Variants in ANK1 observed in about 807,000 individuals in gnomAD.
ANK1 encodes ankyrin 1, also known as ankyrin-1.
ANK1 carries 51 observed loss-of-function variants against 210.4 expected under a neutral mutation model. The ratio of observed to expected loss-of-function variants is 0.24; its 90% CI spans 0.19 to 0.31. The LOEUF (loss-of-function observed/expected upper bound fraction) is 0.31. Ranked by LOEUF, ANK1 falls within the 10% of genes least tolerant of loss-of-function variation. ANK1 has a pLI of 1.00. For synonymous variants in ANK1, 967 were observed against 1,025.9 expected, an observed-to-expected ratio of 0.94 and a Z score of 1.10; for missense variants, 2,051 against 2,504.4, an observed-to-expected ratio of 0.82 and a Z score of 3.86.
At chr8:41,783,393 C>T (rs188713372) in intron 1 of ANK1, among the ~76,000 whole-genome samples, 9 of 152,312 alleles carry the variant, frequency 5.9e-5, no homozygotes, top group African/African-American at 2.2e-4. Flanking sequence ...TTTCCCGGGT[C>T]CTTCCCTGGA....
At chr8:41,825,105 G>A (rs1805138459) in intron 1 of ANK1, among the ~76,000 whole-genome samples, 1 of 152,254 alleles carries the variant, frequency 6.6e-6, no homozygotes, top group African/African-American at 2.4e-5. Context: ...GCTGAGCCCG[G>A]CTACTTCCAG....
At chr8:41,875,296 G>C (rs1053823593) in intron 1 of ANK1, among the ~76,000 whole-genome samples, 29 of 152,242 alleles carry the variant, frequency 1.9e-4, no homozygotes, top group Admixed American at 1.3e-4. Flanking sequence ...TTTAGAGGCT[G>C]GCAGCAGCAG....
intron 1 of ANK1, among the ~76,000 whole-genome samples, chr8:41,874,377 T>G (rs1217061622): frequency 6.6e-6 from 1 of 152,224 alleles, no homozygotes. Context: ...AAAGTTGCAC[T>G]GGGCCCAGGA....
intron 1 of ANK1, among the ~76,000 whole-genome samples, chr8:41,859,607 T>C (rs540815351): frequency 6.6e-6 from 1 of 152,362 alleles, no homozygotes; most frequent in Admixed American, 6.5e-5. Flanking sequence ...CCCAAAGTGC[T>C]GAGATTACAG....
At chr8:41,894,727 G>A (rs150081668) in intron 1 of ANK1, among the ~76,000 whole-genome samples, 25 of 152,264 alleles carry the variant, frequency 1.6e-4, no homozygotes, top group South Asian at 6.2e-4. Context: ...ACTCCTTCCC[G>A]AGAAGAAGTT....
At chr8:41,700,647 G>A (rs1822502478) in intron 22 of ANK1, among the ~76,000 whole-genome samples, 1 of 152,200 alleles carries the variant, frequency 6.6e-6, no homozygotes. Flanking sequence ...CATCCTCAGA[G>A]TTGAGGATCC....
intron 37 of ANK1, among the ~76,000 whole-genome samples, chr8:41,683,946 G>C (rs1310219070): frequency 6.6e-6 from 1 of 152,198 alleles, no homozygotes; most frequent in Admixed American, 6.5e-5. Context: ...AAAGAATGAG[G>C]GGAAGGAGAT....
rs757188682 is a variant in ANK1, at chr8:41,893,640, G to A, written c.126+2715C>T. ...TCAGTCCCTGGTAAGTAGGTTACCCGCGGGACAAACACCTTTCCTTTGAGT... is the reference window on the plus strand; with the variant it reads ...TCAGTCCCTGGTAAGTAGGTTACCCACGGGACAAACACCTTTCCTTTGAGT... On this transcript the variant is annotated intron_variant, in intron 1 of 42. Transcript: ENST00000265709. Among the ~76,000 whole-genome samples the A allele has an allele frequency of 5.9e-5, 9 of 152,306 alleles. 1 individual carries two copies. In the Middle Eastern group the frequency reaches 0.01, roughly 173 times the overall value.
intron 1 of ANK1, among the ~76,000 whole-genome samples, chr8:41,812,175 T>G (rs1802598332): frequency 6.6e-6 from 1 of 152,236 alleles, no homozygotes; most frequent in Non-Finnish European, 1.5e-5. Flanking sequence ...AACCCAAATA[T>G]CTTCATTTTC....
Position 41,702,181 on chromosome 8 carries a change from G to A in ANK1, c.2296-37C>T, listed in dbSNP as rs370140888. 4.5e-6 allele frequency: 7 copies of A among 1,571,280 alleles called. No homozygotes were observed. In the African/African-American group the frequency reaches 5.4e-5, roughly 12 times the overall value. On this transcript the variant is annotated intron_variant, in intron 20 of 42. Transcript: ENST00000289734. ...GCAGCCCGGGTGCAGTCAGACAGGG[G>A]ATGGAGTCTAGGAGGCGGGGCTGGC...
In ANK1 at chr8:41,661,502, T is replaced by C. The variant is rs1808170185; in HGVS notation, c.5607A>G (p.Ile1869Met). The C allele has an allele frequency of 9.9e-6, 16 of 1,614,090 alleles. No individual in the cohort carries two copies. The highest frequency in any genetic ancestry group is 1.4e-5 in the Non-Finnish European group (16 of 1,180,024). Residue 1869 changes from isoleucine (I) to methionine (M), a missense_variant, in exon 42 of 43, where the codon ATA becomes ATG. Ile to Met is a conservative substitution (Grantham distance 10). Coordinates refer to ENST00000289734, the MANE Select transcript of ANK1 (RefSeq NM_000037.4). ...CCCTTTTCAGGCTGGCCCGCTTCAC[T>C]ATCTGCGCCCCCTTCCTGCCCTCTA... The part of the protein sequence containing the change: ...DLIEGRKGAQ[I>M]VKRASLKRGK...
rs775786338 is a variant in ANK1, at chr8:41,723,595, G to A, written c.750C>T (p.Gly250=). 3.1e-6 allele frequency: 5 copies of A among 1,613,826 alleles called. No individual in the cohort carries two copies. The South Asian group carries it at 5.5e-5, about 18-fold the overall frequency. ...GCAGCAGCCGCACCATGATCACGTT[G>A]CCCCTGCGGGAGGCGATGTGCAGTG... ...ITPLHIASRR[G]NVIMVRLLLD... The change falls in exon 8 of 43, where the codon GGC becomes GGT. Residue 250 remains glycine (G), a synonymous_variant. Coordinates refer to ENST00000289734, the MANE Select transcript of ANK1 (RefSeq NM_000037.4).
At chr8:41,658,871 C>T (rs746679204) in intron 42 of ANK1, among the ~76,000 whole-genome samples, 17 of 151,784 alleles carry the variant, frequency 1.1e-4, no homozygotes, top group African/African-American at 2.7e-4. Context: ...CCAGCCTGGG[C>T]GACAGAGCGA....
chr8:41,800,324 G>A (rs528867124), upstream of ANK1, among the ~76,000 whole-genome samples: 1 of 152,166 alleles, frequency 6.6e-6, no homozygotes, highest in Non-Finnish European at 1.5e-5. Flanking sequence ...GTCAGATCCA[G>A]TCATTGTGAA....
At position 41,696,474 on chromosome 8, in the gene ANK1, G is replaced by A; in HGVS notation, c.2849C>T (p.Thr950Ile). 6.2e-7 allele frequency: 1 copy of A among 1,613,404 alleles called. No individual in the cohort carries two copies. The highest frequency in any genetic ancestry group is 8.5e-7 in the Non-Finnish European group (1 of 1,179,964). The change falls in exon 26 of 43, where the codon ACC becomes ATC. Residue 950 changes from threonine to isoleucine, a missense_variant. Coordinates refer to ENST00000289734, the MANE Select transcript of ANK1 (RefSeq NM_000037.4). Reference protein sequence around the residue: ...PRTCAAPTRITCRLVKPQKLS... With the variant: ...PRTCAAPTRIICRLVKPQKLS... ...CTTCTGGGGCTTGACCAGGCGGCAG[G>A]TGATGCGGGTGGGCGCTGCGCACGT...
chr8:41,709,136 A>ACAAC lies in ANK1; in HGVS notation c.1801-162_1801-161insGTTG, dbSNP rs10685542. On this transcript the variant is annotated intron_variant, in intron 16 of 42. Coordinates refer to ENST00000289734, the MANE Select transcript of ANK1 (RefSeq NM_000037.4). ...TTTAGGTAAACAAACAAACAAACAA[A>ACAAC]ATCCATTTGATTTGGAGACAGCTCC... 2.0e-5 allele frequency among the ~76,000 whole-genome samples: 3 copies of ACAAC among 150,624 alleles called. No individual in the cohort carries two copies. In the East Asian group the frequency reaches 5.9e-4, roughly 30 times the overall value.
chr8:41,750,451 G>A (rs1410719994), intron 2 of ANK1, among the ~76,000 whole-genome samples: 3 of 152,200 alleles, frequency 2.0e-5, no homozygotes, highest in East Asian at 1.9e-4. Flanking sequence ...TCCTAAGTAT[G>A]CACGATTGCA....
Position 41,661,423 on chromosome 8 carries a change from G to A in ANK1, c.*36+7C>T, listed in dbSNP as rs1420282717. On this transcript the variant is annotated splice_region_variant and intron_variant, in intron 42 of 42. Coordinates refer to ENST00000289734, the MANE Select transcript of ANK1 (RefSeq NM_000037.4). Reference sequence around the variant, plus strand: ...CCATGCAGAGGGGATGAGAAGGGCAGCGTTACCTCCCGAGAGGCTACTCCA... The same window carrying A: ...CCATGCAGAGGGGATGAGAAGGGCAACGTTACCTCCCGAGAGGCTACTCCA... 2 of 1,613,850 alleles carry A rather than the reference G, an allele frequency of 1.2e-6. No individual in the cohort carries two copies. The highest frequency in any genetic ancestry group is 2.2e-5 in the East Asian group (1 of 44,866).
chr8:41,833,589 G>A (rs964675572), intron 1 of ANK1, among the ~76,000 whole-genome samples: 2 of 152,178 alleles, frequency 1.3e-5, no homozygotes, highest in East Asian at 1.9e-4. Flanking sequence ...GCCGAAGATG[G>A]GAATGGTCAC....
Sources: gnomAD v4.1 joint callset for allele counts (sites outside exome capture counted in the v4.1 genomes callset) on GRCh38, gnomAD v4.1.1 for gene constraint, MANE v1.5 for transcripts, NCBI Gene and HGNC (gene_info 2026-07-23, HGNC 2026-07-21) for gene names.